Variants in IQSEC1 observed in about 807,000 individuals in gnomAD.
IQSEC1 encodes the protein IQ motif and Sec7 domain ArfGEF 1.
IQSEC1 carries 31 observed loss-of-function variants against 91.0 expected under a neutral mutation model. The observed-to-expected ratio is 0.34, with a 90% CI of 0.26 to 0.46. The LOEUF (loss-of-function observed/expected upper bound fraction) is 0.46. Among genes scored for constraint, IQSEC1 ranks in the 20% least tolerant of loss-of-function variants. The probability of loss-of-function intolerance (pLI) is 1.00; values close to 1 mark genes in which losing one functional copy is unlikely to be tolerated. For synonymous variants in IQSEC1, 699 were observed against 662.6 expected (o/e 1.05, Z -0.84); for missense variants, 1,388 against 1,575.6 (o/e 0.88, Z 2.02).
intron 1 of IQSEC1, chr3:13,021,940 TC>T (rs754822829): frequency 1.2e-4 from 105 of 856,926 alleles, no homozygotes; most frequent in Non-Finnish European, 1.5e-4. Context: ...GCTCCCTCCA[TC>T]CCAGCTCCTT....
At chr3:13,117,487 C>G (rs1706354827) in intron 2 of IQSEC1, among the ~76,000 whole-genome samples, 1 of 139,118 alleles carries the variant, frequency 7.2e-6, no homozygotes, top group Admixed American at 8.0e-5. Flanking sequence ...AGGGGAATCG[C>G]ATGAACCCGG....
intron 2 of IQSEC1, among the ~76,000 whole-genome samples, chr3:13,123,870 G>C (rs1706466755): frequency 6.6e-6 from 1 of 152,234 alleles, no homozygotes; most frequent in South Asian, 2.1e-4. Flanking sequence ...ACAGGATTTA[G>C]CATATGTGGA....
chr3:13,109,245 G>A (rs1389925555), intron 2 of IQSEC1, among the ~76,000 whole-genome samples: 3 of 152,150 alleles, frequency 2.0e-5, no homozygotes, highest in Non-Finnish European at 4.4e-5. Context: ...ATGAGCAGCC[G>A]AGGCCCCCCT....
At chr3:13,226,051 T>C (rs1311633154) in intron 1 of IQSEC1, among the ~76,000 whole-genome samples, 3 of 152,118 alleles carry the variant, frequency 2.0e-5, no homozygotes, top group Non-Finnish European at 1.5e-5. Context: ...TGGCTAATTT[T>C]TGTTTTTAGT....
At chr3:12,905,128 A>C (rs1694830632) in intron 12 of IQSEC1, among the ~76,000 whole-genome samples, 1 of 152,102 alleles carries the variant, frequency 6.6e-6, no homozygotes, top group South Asian at 2.1e-4. Flanking sequence ...AGCCTCCCAC[A>C]CCTGCCCTGG....
At chr3:12,998,942 C>A (rs1383436959) in intron 1 of IQSEC1, among the ~76,000 whole-genome samples, 2 of 152,040 alleles carry the variant, frequency 1.3e-5, no homozygotes, top group Admixed American at 6.5e-5. Flanking sequence ...TGAAGCTTTG[C>A]CCCCCTAGAC....
rs116021152 is a variant in IQSEC1, at chr3:13,012,741, C to G, written c.23+60251G>C. On this transcript the variant is annotated intron_variant, in intron 1 of 13. Coordinates refer to ENST00000613206, the MANE Select transcript of IQSEC1 (RefSeq NM_001134382.3). ...TGAAAAGTCCAAATCCATATATGAA[C>G]ACTGCGATTCCGCCATTCCCGAAGC... is the stretch of plus-strand genomic sequence containing the variant. Among the ~76,000 whole-genome samples the G allele has an allele frequency of 7.3e-3, 1,116 of 152,298 alleles. 10 individuals are homozygous for G. The highest frequency in any genetic ancestry group is 0.011 in the Non-Finnish European group (736 of 68,038).
chr3:13,085,947 A>G (rs1426991810), intron 2 of IQSEC1, among the ~76,000 whole-genome samples: 2 of 152,146 alleles, frequency 1.3e-5, no homozygotes, highest in Non-Finnish European at 2.9e-5. Flanking sequence ...GGGAATTTGG[A>G]AGGTGGCTCC....
In IQSEC1 at chr3:12,914,960, A is replaced by G. The variant is rs112794724; in HGVS notation, c.2190+144T>C. The stretch of plus-strand genomic sequence containing the variant: ...AGATCTGAGGCTGGGGTAATTACGA[A>G]CATCTGATTCTCAGCACCCCAGCAA... On this transcript the variant is annotated intron_variant, in intron 8 of 13. Coordinates refer to ENST00000613206, the MANE Select transcript of IQSEC1 (RefSeq NM_001134382.3). The G allele has an allele frequency of 1.8e-5, 14 of 775,494 alleles. No individual in the cohort carries two copies. In the African/African-American group the frequency reaches 1.9e-4, roughly 11 times the overall value. The allele number at this position is 775,494 out of a possible 1,614,324, so 48.0% of individuals were successfully genotyped here. A position where few individuals can be genotyped will look rare whatever the true frequency, so the allele number is the denominator to read the frequency against.
chr3:13,263,538 G>A (rs7639871), intron 1 of IQSEC1, among the ~76,000 whole-genome samples: 4,434 of 151,892 alleles, frequency 0.029, 202 homozygotes, highest in African/African-American at 0.1. Context: ...CACCTCCTGG[G>A]TTCAAGCGAT....
At chr3:12,949,496 T>C (rs1699398848) in intron 1 of IQSEC1, among the ~76,000 whole-genome samples, 1 of 152,238 alleles carries the variant, frequency 6.6e-6, no homozygotes. Context: ...CGTATGCCCA[T>C]CACGCCTCCA....
intron 1 of IQSEC1, among the ~76,000 whole-genome samples, chr3:13,048,519 C>T (rs886661823): frequency 6.6e-6 from 1 of 152,246 alleles, no homozygotes; most frequent in Non-Finnish European, 1.5e-5. Context: ...AAGTCCAGGG[C>T]ACAGGCCAAG....
At position 13,160,466 on chromosome 3, in the gene IQSEC1, G is replaced by T. The variant is rs116317613; in HGVS notation, c.302+3638C>A. ...GTGAGCCCCCAAGCCCTGCCCCTGT[G>T]TGTCCTTAATATTTAGCACAAGCCA... On this transcript the variant is annotated intron_variant, in intron 2 of 15. Coordinates refer to the IQSEC1 transcript ENST00000648114. Among the ~76,000 whole-genome samples the T allele has an allele frequency of 4.1e-3, 626 of 152,282 alleles. 4 individuals are homozygous for T. Among genetic ancestry groups the T allele is most frequent in the African/African-American group, 0.014 (600 of 41,534 alleles).
intron 1 of IQSEC1, among the ~76,000 whole-genome samples, chr3:12,991,895 G>A (rs1702008240): frequency 6.6e-6 from 1 of 152,204 alleles, no homozygotes; most frequent in African/African-American, 2.4e-5. Context: ...GGCAGGGCAG[G>A]TTGGTCAGAG....
chr3:13,238,666 C>T (rs1004916557), intron 1 of IQSEC1, among the ~76,000 whole-genome samples: 3 of 152,212 alleles, frequency 2.0e-5, no homozygotes, highest in African/African-American at 4.8e-5. Flanking sequence ...GAGGGGTCAG[C>T]AACCTGGGCG....
rs544246323 is a variant in IQSEC1, at chr3:13,152,551, G to A, written c.302+11553C>T. 5.3e-5 allele frequency among the ~76,000 whole-genome samples: 8 copies of A among 152,258 alleles called. No homozygotes were observed. The South Asian group carries it at 1.7e-3, about 32-fold the overall frequency. ...AGTAAAAAGCACTGCTGTCCTCCCA[G>A]TTCTTCAAGTCAAAAATCCAAATTT... is the stretch of plus-strand genomic sequence containing the variant. On this transcript the variant is annotated intron_variant, in intron 2 of 15. Transcript: ENST00000648114.
At chr3:13,200,195 AAC>A (rs1329127923) in intron 1 of IQSEC1, among the ~76,000 whole-genome samples, 7 of 147,898 alleles carry the variant, frequency 4.7e-5, no homozygotes, top group Non-Finnish European at 8.9e-5. Flanking sequence ...CACATACACA[AAC>A]ACATCACACA....
At chr3:13,033,601 G>A (rs1703928289) in intron 1 of IQSEC1, among the ~76,000 whole-genome samples, 1 of 152,124 alleles carries the variant, frequency 6.6e-6, no homozygotes, top group Admixed American at 6.5e-5. Context: ...AAGATCTATA[G>A]TCAGCAAGAG....
At chr3:13,078,979 G>T (rs1403304333) in intron 2 of IQSEC1, among the ~76,000 whole-genome samples, 2 of 152,186 alleles carry the variant, frequency 1.3e-5, no homozygotes, top group East Asian at 3.8e-4. Flanking sequence ...TGCATTCCAC[G>T]TGCTAGTCAC....
Sources: allele counts gnomAD v4.1 joint callset (sites outside exome capture counted in the v4.1 genomes callset), GRCh38; gene constraint gnomAD v4.1.1; transcripts MANE v1.5; gene names NCBI Gene and HGNC (gene_info 2026-07-23, HGNC 2026-07-21).